The following MBD3 variants were observed in gnomAD, a reference collection of about 807,000 sequenced individuals.
MBD3 encodes methyl-CpG binding domain protein 3.
In MBD3, 13 loss-of-function variants were observed where a neutral mutation model predicts 31.2. The observed-to-expected ratio is 0.42, with a 90% CI of 0.27 to 0.66. MBD3 has a LOEUF of 0.66. Among genes scored for constraint, MBD3 ranks in the 30% least tolerant of loss-of-function variants. MBD3 has a pLI of 0.26. For missense variants in MBD3, 440 were observed against 426.5 expected, an observed-to-expected ratio of 1.03 and a Z score of -0.28; for synonymous variants, 223 against 187.4, an observed-to-expected ratio of 1.19 and a Z score of -1.55.
chr19:1,592,611 C>A lies in MBD3; in HGVS notation c.21G>T (p.Glu7Asp), dbSNP rs772628281. MERKRWECPALPQGWER... is the reference protein window; with the variant it reads MERKRWDCPALPQGWER... ...CCCAGCCCTGCGGGAGCGCCGGGCA[C>A]TCCCACCTCTTCCGCTCCATTGCGC... Residue 7 changes from glutamate (E) to aspartate (D), a missense_variant, in exon 1 of 7, where the codon GAG (glutamate) becomes GAT (aspartate). Physicochemically the swap from Glu to Asp is conservative, Grantham distance 45. Coordinates refer to ENST00000434436, the MANE Select transcript of MBD3 (RefSeq NM_001281453.2). The A allele has an allele frequency of 3.6e-6, 5 of 1,386,642 alleles. No individual in the cohort carries two copies. The highest frequency in any genetic ancestry group is 4.8e-6 in the Non-Finnish European group (5 of 1,043,814). The allele number at this position is 1,386,642 out of a possible 1,614,324, so 85.9% of individuals were successfully genotyped here.
rs905749256 is a variant in MBD3 at position 1,585,152 on chromosome 19, T to A, written c.173A>T (p.Asp58Val). Residue 58 changes from aspartate (D) to valine (V), a missense_variant, in exon 2 of 7, where the codon GAC becomes GTC. Asp to Val is a radical substitution (Grantham distance 152, BLOSUM62 -3). Transcript: ENST00000434436. The surrounding 1 kb of genome is among the most constrained non-coding windows in gnomAD (Gnocchi z 4.1). The stretch of plus-strand genomic sequence containing the variant: ...CGTGCGGAAGTCGAAGGTGCTCAGG[T>A]CCATGGAGCCGCCCAGGTAGCGCGC... ...QLARYLGGSM[D>V]LSTFDFRTGK... 6.2e-7 allele frequency: 1 copy of A among 1,610,650 alleles called. No homozygotes were observed. Among genetic ancestry groups the A allele is most frequent in the Non-Finnish European group, 8.5e-7 (1 of 1,179,422 alleles).
chr19:1,587,846 T>A (rs940001213), intron 1 of MBD3, among the ~76,000 whole-genome samples: 2 of 151,918 alleles, frequency 1.3e-5, no homozygotes, highest in Non-Finnish European at 2.9e-5. Context: ...AGCCTGAGAT[T>A]GGTGGGTAGC....
chr19:1,579,581 C>G (rs1055804066), intron 5 of MBD3, among the ~76,000 whole-genome samples: 3 of 152,072 alleles, frequency 2.0e-5, no homozygotes, highest in African/African-American at 7.2e-5. Context: ...TCAGCCGCCC[C>G]CTGCCTCCGG....
intron 1 of MBD3, among the ~76,000 whole-genome samples, chr19:1,586,729 C>T (rs1398929414): frequency 3.4e-5 from 5 of 148,268 alleles, no homozygotes; most frequent in Non-Finnish European, 7.4e-5. Flanking sequence ...TGAAGTGGCT[C>T]GATCTTGGCT....
intron 4 of MBD3, among the ~76,000 whole-genome samples, chr19:1,582,072 C>T (rs1242144156): frequency 1.3e-5 from 2 of 152,156 alleles, no homozygotes. Context: ...TGGCCTTGCT[C>T]TGTATTTTCT....
chr19:1,582,033 T>C (rs1005090483), intron 4 of MBD3, among the ~76,000 whole-genome samples: 4 of 152,202 alleles, frequency 2.6e-5, no homozygotes, highest in African/African-American at 2.4e-5. Flanking sequence ...TCCCAGAGTG[T>C]TGGGATTACA....
chr19:1,589,344 C>CAAAAAAA (rs35111393), intron 1 of MBD3, among the ~76,000 whole-genome samples: 2 of 65,638 alleles, frequency 3.0e-5, no homozygotes, highest in Non-Finnish European at 6.1e-5. Flanking sequence ...AACTCGGTCT[C>CAAAAAAA]AAAAAAAAAA....
chr19:1,588,679 G>C (rs2060690011), intron 1 of MBD3, among the ~76,000 whole-genome samples: 1 of 151,270 alleles, frequency 6.6e-6, no homozygotes, highest in Non-Finnish European at 1.5e-5. Context: ...TACTCGGGAG[G>C]CTGACGCAGA....
At position 1,584,651 on chromosome 19, in the gene MBD3, C is replaced by T. The variant is rs377265595; in HGVS notation, c.297G>A (p.Leu99=). ...AGATGGACGCCGTCTGGCGCACGGGCAGCGCCGTGTTCAGGTCGGGCTTGC... is the reference window on the plus strand; with the variant it reads ...AGATGGACGCCGTCTGGCGCACGGGTAGCGCCGTGTTCAGGTCGGGCTTGC... ...VKGKPDLNTA[L]PVRQTASIFK... The change falls in exon 3 of 7, where the codon CTG becomes CTA. Residue 99 remains leucine (L), a synonymous_variant. Coordinates refer to ENST00000434436, the MANE Select transcript of MBD3 (RefSeq NM_001281453.2). 6.2e-6 allele frequency: 10 copies of T among 1,613,204 alleles called. No homozygotes were observed. The African/African-American group carries it at 9.3e-5, about 15-fold the overall frequency.
At chr19:1,592,431 G>A (rs1266169668) in intron 1 of MBD3, 91 bp downstream of exon 1, 4 of 410,790 alleles carry the variant, frequency 9.7e-6, no homozygotes, top group South Asian at 1.7e-4. Context: ...GCGGGGCCCA[G>A]GCCGCGGCCC....
chr19:1,592,596 C>T lies in MBD3; in HGVS notation c.36G>A (p.Pro12=), dbSNP rs754701805. 6.4e-6 allele frequency: 9 copies of T among 1,408,264 alleles called. No individual in the cohort carries two copies. In the South Asian group the frequency reaches 7.3e-5, roughly 11 times the overall value. 87.2% of individuals were successfully genotyped at this position (1,408,264 alleles called of 1,614,324 possible). A position where few individuals can be genotyped will look rare whatever the true frequency, so the allele number is the denominator to read the frequency against. Residue 12 remains proline (P), a synonymous_variant, in exon 1 of 7, where the codon CCG becomes CCA. Coordinates refer to ENST00000434436, the MANE Select transcript of MBD3 (RefSeq NM_001281453.2). ...GCACTTCTTCCCTCTCCCAGCCCTG[C>T]GGGAGCGCCGGGCACTCCCACCTCT... ...ERKRWECPAL[P]QGWEREEVPR... is the part of the protein sequence containing the mutation.
chr19:1,575,232 C>T lies in MBD3; in HGVS notation c.*2932G>A, dbSNP rs572013627. 3 of 428,242 alleles carry T rather than the reference C, an allele frequency of 7.0e-6. No homozygotes were observed. The highest frequency in any genetic ancestry group is 1.5e-4 in the East Asian group (2 of 13,562). 26.5% of individuals were successfully genotyped at this position (428,242 alleles called of 1,614,324 possible). A position where few individuals can be genotyped will look rare whatever the true frequency, so the allele number is the denominator to read the frequency against. ...ATCACCTGAGGTTAGGAGTTCCAGA[C>T]CAGACTGGCCAACATGGTGAAACCC... is the stretch of plus-strand genomic sequence containing the variant. On this transcript the variant is annotated 3_prime_UTR_variant, in exon 7 of 7. Coordinates refer to ENST00000434436, the MANE Select transcript of MBD3 (RefSeq NM_001281453.2).
chr19:1,584,904 C>A, intron 2 of MBD3, 151 bp downstream of exon 2: 1 of 1,227,028 alleles, frequency 8.1e-7, no homozygotes, highest in Non-Finnish European at 1.1e-6. Flanking sequence ...GCTCTGCACC[C>A]TGTGGCCTGC....
chr19:1,582,785 AG>A, intron 3 of MBD3, 73 bp from the exon 4 acceptor site: 2 of 1,392,160 alleles, frequency 1.4e-6, no homozygotes, highest in Non-Finnish European at 2.0e-6. Flanking sequence ...GCTGGGCTCC[AG>A]GGAGGCCCAC....
In MBD3 at chr19:1,575,445, T is replaced by C. The variant is rs1599335419; in HGVS notation, c.*2719A>G. ...AAAAAGTCCCAGAAGGTCTTGGGGC[T>C]GAGACATGGGCGGGGCTGGGGGCAG... is the stretch of plus-strand genomic sequence containing the variant. On this transcript the variant is annotated 3_prime_UTR_variant, in exon 7 of 7. Coordinates refer to ENST00000434436, the MANE Select transcript of MBD3 (RefSeq NM_001281453.2). 3.2e-6 allele frequency: 1 copy of C among 309,238 alleles called. No individual in the cohort carries two copies. Among genetic ancestry groups the C allele is most frequent in the Non-Finnish European group, 6.5e-6 (1 of 154,560 alleles). 19.2% of individuals were successfully genotyped at this position (309,238 alleles called of 1,614,324 possible).
At position 1,580,402 on chromosome 19, in the gene MBD3, G is replaced by A. The variant is rs1044872746; in HGVS notation, c.677+690C>T. ...CCCCGGCTGCTGCCACAGGAAACCC[G>A]CATGCCCAGCGCCTCCCTGGCCGTT... On this transcript the variant is annotated intron_variant, in intron 5 of 6. Coordinates refer to ENST00000434436, the MANE Select transcript of MBD3 (RefSeq NM_001281453.2). Among the ~76,000 whole-genome samples the A allele has an allele frequency of 3.9e-5, 6 of 152,318 alleles. No homozygotes were observed. In the East Asian group the frequency reaches 5.8e-4, roughly 15 times the overall value.
chr19:1,592,347 G>C (rs2060708202), intron 1 of MBD3, 175 bp downstream of exon 1: 1 of 173,326 alleles, frequency 5.8e-6, no homozygotes, highest in Non-Finnish European at 1.2e-5. Flanking sequence ...CCAACAAGCG[G>C]CGCACGCGCA....
intron 4 of MBD3, 23 bp downstream of exon 4, chr19:1,582,599 C>T (rs751241562): frequency 1.2e-6 from 2 of 1,610,274 alleles, no homozygotes; most frequent in Admixed American, 3.3e-5. Flanking sequence ...CCCCTTCCGC[C>T]TCCCCTCAGG....
In MBD3 at chr19:1,592,661, CCCGCCGCCGCCGCCCGGACCCCCACTCG is replaced by C; in HGVS notation, c.-58_-31del. ...CCCGGCTCCTCGGCCCGCCGCCGGGCCCGCCGCCGCCGCCCGGACCCCCACTCGCCGCCGCCGCCTCAGCTGCCTCCGC... is the reference window on the plus strand; with the variant it reads ...CCCGGCTCCTCGGCCCGCCGCCGGGCCCGCCGCCGCCTCAGCTGCCTCCGC... On this transcript the variant is annotated 5_prime_UTR_variant, in exon 1 of 7. Transcript: ENST00000434436. The C allele has an allele frequency of 8.9e-6, 9 of 1,016,532 alleles. No homozygotes were observed. The highest frequency in any genetic ancestry group is 1.1e-5 in the Non-Finnish European group (9 of 790,464). The allele number at this position is 1,016,532 out of a possible 1,614,324, so 63.0% of individuals were successfully genotyped here.
Sources: allele counts gnomAD v4.1 joint callset (sites outside exome capture counted in the v4.1 genomes callset), GRCh38; gene constraint gnomAD v4.1.1; non-coding constraint Gnocchi (gnomAD v3.1); transcripts MANE v1.5; gene names NCBI Gene and HGNC (gene_info 2026-07-23, HGNC 2026-07-21).